The following GLT8D2 variants were observed in gnomAD, a reference collection of about 807,000 sequenced individuals.
GLT8D2 encodes the protein glycosyltransferase 8 domain containing 2.
A neutral mutation model predicts 44.5 loss-of-function variants in GLT8D2; 45 were observed. The ratio of observed to expected loss-of-function variants is 1.01; its 90% CI spans 0.80 to 1.30. The LOEUF (loss-of-function observed/expected upper bound fraction) is 1.30, where lower values mean the gene tolerates loss of function less well. GLT8D2 is among the 50% of genes most tolerant of loss of function. GLT8D2 has a pLI of 0.00. For missense variants in GLT8D2, 400 were observed against 430.4 expected (o/e 0.93, Z 0.62); for synonymous variants, 156 against 157.2 (o/e 0.99, Z 0.06).
chr12:104,039,614 T>G (rs1274880019), intron 1 of GLT8D2, among the ~76,000 whole-genome samples: 2 of 152,182 alleles, frequency 1.3e-5, no homozygotes. Flanking sequence ...TCACACCAGT[T>G]AGAATGGCGA....
chr12:104,038,425 C>A (rs1415735898), intron 1 of GLT8D2, among the ~76,000 whole-genome samples: 1 of 152,208 alleles, frequency 6.6e-6, no homozygotes, highest in African/African-American at 2.4e-5. Flanking sequence ...TCTCCTTAAG[C>A]TGATAAGCAA....
intron 1 of GLT8D2, among the ~76,000 whole-genome samples, chr12:104,033,732 G>A (rs1879600084): frequency 6.6e-6 from 1 of 152,056 alleles, no homozygotes; most frequent in South Asian, 2.1e-4. Flanking sequence ...ATTTCACAAT[G>A]TGTATATTAA....
rs1395837317 is a variant in GLT8D2 at position 103,989,594 on chromosome 12, G to GA, written c.881-18dup. ...GATTCCAGCCTTCATTGTGTATAGA[G>GA]AAAAAATAATAGGCTTGTTAGAGAA... is the stretch of plus-strand genomic sequence containing the variant. On this transcript the variant is annotated splice_polypyrimidine_tract_variant and intron_variant, in intron 10 of 10. Coordinates refer to ENST00000360814, the MANE Select transcript of GLT8D2 (RefSeq NM_001384711.1). 3 of 1,579,358 alleles carry GA rather than the reference G, an allele frequency of 1.9e-6. No homozygotes were observed. The highest frequency in any genetic ancestry group is 2.3e-5 in the South Asian group (2 of 85,736).
At chr12:104,050,766 C>T (rs963404969), upstream of GLT8D2, among the ~76,000 whole-genome samples, 14 of 151,752 alleles carry the variant, frequency 9.2e-5, no homozygotes, top group African/African-American at 3.4e-4. Context: ...CTGTCTCTTT[C>T]TAAAGTGGTG....
intron 1 of GLT8D2, among the ~76,000 whole-genome samples, chr12:104,026,963 C>A (rs1210587031): frequency 6.6e-6 from 1 of 152,076 alleles, no homozygotes; most frequent in Non-Finnish European, 1.5e-5. Context: ...AGAGATAGCC[C>A]GAGGAGGTAA....
chr12:104,037,192 A>G (rs1303030960), intron 1 of GLT8D2, among the ~76,000 whole-genome samples: 1 of 152,252 alleles, frequency 6.6e-6, no homozygotes, highest in Non-Finnish European at 1.5e-5. Flanking sequence ...ATAGCACTAA[A>G]TGCCCACAAG....
At chr12:104,000,256 A>T (rs564518205) in intron 5 of GLT8D2, among the ~76,000 whole-genome samples, 1 of 152,246 alleles carries the variant, frequency 6.6e-6, no homozygotes, top group Non-Finnish European at 1.5e-5. Context: ...AATTAAAAAA[A>T]GATAGACTAA....
intron 5 of GLT8D2, among the ~76,000 whole-genome samples, chr12:104,002,635 C>A (rs988339800): frequency 5.9e-5 from 9 of 152,044 alleles, no homozygotes; most frequent in Admixed American, 2.6e-4. Flanking sequence ...GAAAGGAAAT[C>A]TATTTAAGGA....
At chr12:104,022,032 GAA>G (rs1413233722) in intron 1 of GLT8D2, among the ~76,000 whole-genome samples, 13 of 98,710 alleles carry the variant, frequency 1.3e-4, no homozygotes, top group East Asian at 1.2e-3. Context: ...AAAAGAAGAA[GAA>G]GAAGAAGAAG....
intron 1 of GLT8D2, among the ~76,000 whole-genome samples, chr12:104,035,821 C>T (rs1879864173): frequency 6.6e-6 from 1 of 152,104 alleles, no homozygotes; most frequent in Non-Finnish European, 1.5e-5. Flanking sequence ...ACAGAGAGCA[C>T]CGCAAAGATA....
In GLT8D2 at chr12:103,994,926, C is replaced by A. The variant is rs1237400597; in HGVS notation, c.601-425G>T. On this transcript the variant is annotated intron_variant, in intron 8 of 10. Coordinates refer to ENST00000360814, the MANE Select transcript of GLT8D2 (RefSeq NM_001384711.1). ...TCCCAAACCTGCTTCCCTGCACCTG[C>A]CCCACCTCAGTCAGTGGCAACTCTA... 3.3e-5 allele frequency among the ~76,000 whole-genome samples: 5 copies of A among 152,300 alleles called. No homozygotes were observed. In the South Asian group the frequency reaches 8.3e-4, roughly 25 times the overall value.
At chr12:104,041,318 G>A (rs986192101) in intron 1 of GLT8D2, among the ~76,000 whole-genome samples, 6 of 152,264 alleles carry the variant, frequency 3.9e-5, no homozygotes, top group Non-Finnish European at 8.8e-5. Flanking sequence ...GGAGGCTGAG[G>A]TAGGAGAATC....
chr12:104,052,873 A>C (rs561927345), upstream of GLT8D2, among the ~76,000 whole-genome samples: 4 of 152,234 alleles, frequency 2.6e-5, no homozygotes, highest in East Asian at 7.7e-4. Flanking sequence ...GACTGTAGTC[A>C]TGCACCACCA....
chr12:104,030,616 G>A (rs1358195604), intron 1 of GLT8D2, among the ~76,000 whole-genome samples: 1 of 152,130 alleles, frequency 6.6e-6, no homozygotes, highest in African/African-American at 2.4e-5. Flanking sequence ...TGGAATGGGA[G>A]CGATTATTTA....
rs57015061 is a variant in GLT8D2, at chr12:104,009,346, C to T, written c.112+5667G>A. ...TTGGAGCTTTAAAATTTGACTGCCC[C>T]GCTGGATTTTGGACAAGCACAGGGG... On this transcript the variant is annotated intron_variant, in intron 4 of 10. Transcript: ENST00000360814. Among the ~76,000 whole-genome samples the T allele has an allele frequency of 9.6e-3, 1,462 of 152,286 alleles. 24 individuals carry two copies. Among genetic ancestry groups the T allele is most frequent in the African/African-American group, 0.033 (1,358 of 41,554 alleles).
intron 1 of GLT8D2, among the ~76,000 whole-genome samples, chr12:104,048,675 T>C (rs187955276): frequency 6.6e-6 from 1 of 152,288 alleles, no homozygotes; most frequent in East Asian, 1.9e-4. Flanking sequence ...TATTAGGGTA[T>C]GAGGAACACT....
upstream of GLT8D2, among the ~76,000 whole-genome samples, chr12:104,052,333 T>C (rs948279779): frequency 2.0e-4 from 31 of 152,340 alleles, no homozygotes; most frequent in Middle Eastern, 3.4e-3. Flanking sequence ...TTTCATATCT[T>C]CTATTTCTTT....
intron 1 of GLT8D2, among the ~76,000 whole-genome samples, chr12:104,045,892 T>TAGAAAGA (rs1555281856): frequency 1.8e-5 from 2 of 112,144 alleles, no homozygotes; most frequent in East Asian, 2.9e-4. Context: ...AAAAGAAAGA[T>TAGAAAGA]AAGAAAGAAA....
At chr12:104,014,966 A>G in intron 4 of GLT8D2, 47 bp downstream of exon 4, 1 of 1,384,704 alleles carries the variant, frequency 7.2e-7, no homozygotes, top group Non-Finnish European at 1.0e-6. Context: ...ACATATTCAA[A>G]CCACATTCCT....
Sources: gnomAD v4.1 joint callset for allele counts (sites outside exome capture counted in the v4.1 genomes callset) on GRCh38, gnomAD v4.1.1 for gene constraint, MANE v1.5 for transcripts, NCBI Gene and HGNC (gene_info 2026-07-23, HGNC 2026-07-21) for gene names.